RPIA: variants seen among roughly 807,000 people sequenced by gnomAD.
The protein encoded by RPIA is ribose 5-phosphate isomerase A.
A neutral mutation model predicts 37.8 loss-of-function variants in RPIA; 29 were observed. The observed-to-expected ratio is 0.77, with a 90% CI of 0.57 to 1.05. The LOEUF (loss-of-function observed/expected upper bound fraction) is 1.05. Among genes scored for constraint, RPIA ranks in the 50% least tolerant of loss-of-function variants. RPIA has a pLI of 0.00. For missense variants in RPIA, 385 were observed against 413.6 expected (o/e 0.93, Z 0.60); for synonymous variants, 167 against 157.0 (o/e 1.06, Z -0.48).
At chr2:88,733,007 G>A (rs1673265689) in intron 4 of RPIA, among the ~76,000 whole-genome samples, 1 of 152,218 alleles carries the variant, frequency 6.6e-6, no homozygotes, top group South Asian at 2.1e-4. Flanking sequence ...GAGAGGGTAA[G>A]TCATATGGCT....
intron 8 of RPIA, among the ~76,000 whole-genome samples, chr2:88,739,913 T>C (rs1157974697): frequency 2.0e-5 from 3 of 152,154 alleles, no homozygotes; most frequent in African/African-American, 7.2e-5. Context: ...CTGGCCCCAA[T>C]TCTACTTTAG....
chr2:88,737,439 G>A (rs890390104), intron 7 of RPIA, among the ~76,000 whole-genome samples: 29 of 152,176 alleles, frequency 1.9e-4, no homozygotes, highest in Admixed American at 1.9e-3. Flanking sequence ...TCTGACTGAC[G>A]TTCAGATTGT....
intron 3 of RPIA, among the ~76,000 whole-genome samples, chr2:88,726,886 G>T (rs1291801793): frequency 6.6e-6 from 1 of 152,076 alleles, no homozygotes; most frequent in African/African-American, 2.4e-5. Flanking sequence ...AGGGTTACAG[G>T]TACCATGATG....
chr2:88,719,414 A>C (rs1193710698), intron 3 of RPIA, among the ~76,000 whole-genome samples: 2 of 152,206 alleles, frequency 1.3e-5, no homozygotes, highest in African/African-American at 2.4e-5. Context: ...CTTCCTGTAT[A>C]ATTTTTATAC....
chr2:88,748,182 C>T (rs946959803), intron 8 of RPIA, among the ~76,000 whole-genome samples: 8 of 152,212 alleles, frequency 5.3e-5, no homozygotes, highest in African/African-American at 1.7e-4. Flanking sequence ...ATTGCAACTC[C>T]TCCCGCCCCA....
intron 3 of RPIA, among the ~76,000 whole-genome samples, chr2:88,719,181 A>T (rs557978277): frequency 6.6e-6 from 1 of 152,318 alleles, no homozygotes; most frequent in South Asian, 2.1e-4. Context: ...GTCATGGATG[A>T]CAAAAAGTTT....
intron 8 of RPIA, among the ~76,000 whole-genome samples, chr2:88,738,894 C>T (rs1445714783): frequency 2.0e-5 from 3 of 152,178 alleles, no homozygotes; most frequent in African/African-American, 7.2e-5. Flanking sequence ...TTGTCTGCCA[C>T]TAGACCCTGA....
chr2:88,692,981 C>T (rs1202188360), intron 1 of RPIA, among the ~76,000 whole-genome samples: 1 of 152,188 alleles, frequency 6.6e-6, no homozygotes, highest in East Asian at 1.9e-4. Context: ...ACTCTTTCCA[C>T]TGCTACCCTG....
chr2:88,723,200 G>A (rs1478133274), intron 3 of RPIA, among the ~76,000 whole-genome samples: 1 of 152,132 alleles, frequency 6.6e-6, no homozygotes, highest in Non-Finnish European at 1.5e-5. Flanking sequence ...TAATGGTAAG[G>A]AGAGATTAAG....
chr2:88,724,391 C>G (rs911449661), intron 3 of RPIA, among the ~76,000 whole-genome samples: 3 of 151,858 alleles, frequency 2.0e-5, no homozygotes, highest in African/African-American at 7.3e-5. Flanking sequence ...ACTTCAACCT[C>G]CACCTCCCAG....
At chr2:88,727,200 A>G (rs1272865647) in intron 3 of RPIA, among the ~76,000 whole-genome samples, 1 of 152,204 alleles carries the variant, frequency 6.6e-6, no homozygotes, top group Non-Finnish European at 1.5e-5. Context: ...TCTGTAAACT[A>G]ATCTCAGAAG....
chr2:88,734,466 G>C, intron 4 of RPIA, 86 bp from the exon 5 acceptor site: 2 of 1,262,556 alleles, frequency 1.6e-6, no homozygotes, highest in East Asian at 2.3e-5. Flanking sequence ...GGGCTGCTGA[G>C]TATCTGATGA....
chr2:88,723,398 A>G (rs1009774448), intron 3 of RPIA, among the ~76,000 whole-genome samples: 3 of 152,224 alleles, frequency 2.0e-5, no homozygotes, highest in Non-Finnish European at 4.4e-5. Flanking sequence ...CCTGCCTTCC[A>G]TCGTCATGGA....
intron 3 of RPIA, among the ~76,000 whole-genome samples, chr2:88,726,329 AT>A (rs954792163): frequency 6.6e-5 from 10 of 152,126 alleles, no homozygotes; most frequent in African/African-American, 1.9e-4. Context: ...TCCAACACAA[AT>A]TCATAAACTT....
rs1673496900 is a variant in RPIA at position 88,750,817 on chromosome 2, T to C, written c.*739T>C. 1.0e-5 allele frequency: 4 copies of C among 398,564 alleles called. No homozygotes were observed. In the Admixed American group the frequency reaches 1.8e-4, roughly 18 times the overall value. 24.7% of individuals were successfully genotyped at this position (398,564 alleles called of 1,614,324 possible). On this transcript the variant is annotated 3_prime_UTR_variant, in exon 9 of 9. Coordinates refer to ENST00000283646, the MANE Select transcript of RPIA (RefSeq NM_144563.3). The stretch of plus-strand genomic sequence containing the variant: ...TGTTTTTTTATTTTTAATGATTTTC[T>C]TTTTGTTATTAATATTTTTCTCTGT...
intron 1 of RPIA, among the ~76,000 whole-genome samples, chr2:88,694,809 T>G (rs751210104): frequency 3.3e-5 from 5 of 152,058 alleles, no homozygotes; most frequent in Non-Finnish European, 7.4e-5. Flanking sequence ...TTCCATACCC[T>G]GGAGGAAGGA....
intron 3 of RPIA, among the ~76,000 whole-genome samples, chr2:88,711,774 A>AT (rs770958216): frequency 2.6e-5 from 4 of 152,224 alleles, no homozygotes; most frequent in Non-Finnish European, 5.9e-5. Context: ...ACCTGCTGTC[A>AT]TGTGATTCTA....
chr2:88,736,386 A>G (rs982549266), intron 6 of RPIA, 149 bp from the exon 7 acceptor site: 6 of 724,138 alleles, frequency 8.3e-6, no homozygotes, highest in Non-Finnish European at 1.4e-5. Flanking sequence ...ATAGTGAAAC[A>G]GCTAATTCAT....
chr2:88,721,476 ATT>A (rs1300398890), intron 3 of RPIA, among the ~76,000 whole-genome samples: 5 of 146,536 alleles, frequency 3.4e-5, no homozygotes, highest in African/African-American at 1.2e-4. Context: ...ATATTAGTAT[ATT>A]GTTTTATTAT....
Sources: allele counts gnomAD v4.1 joint callset (sites outside exome capture counted in the v4.1 genomes callset), GRCh38; gene constraint gnomAD v4.1.1; transcripts MANE v1.5; gene names NCBI Gene and HGNC (gene_info 2026-07-23, HGNC 2026-07-21).